Variants in SLC2A13 observed in about 807,000 individuals in gnomAD.
The protein encoded by SLC2A13 is solute carrier family 2 member 13, also known as proton myo-inositol cotransporter.
In SLC2A13, 32 loss-of-function variants were observed where a neutral mutation model predicts 64.4. The ratio of observed to expected loss-of-function variants is 0.50; its 90% CI spans 0.37 to 0.67. The LOEUF (loss-of-function observed/expected upper bound fraction) is 0.67, where lower values mean the gene tolerates loss of function less well. Ranked by LOEUF, SLC2A13 falls within the 30% of genes least tolerant of loss-of-function variation. The pLI, the probability that SLC2A13 is intolerant of heterozygous loss-of-function variation, is 0.00. For missense variants in SLC2A13, 743 were observed against 829.2 expected, an observed-to-expected ratio of 0.90 and a Z score of 1.28; for synonymous variants, 338 against 327.1, an observed-to-expected ratio of 1.03 and a Z score of -0.36.
chr12:39,849,176 G>T (rs1002401262), intron 6 of SLC2A13, among the ~76,000 whole-genome samples: 4 of 151,648 alleles, frequency 2.6e-5, no homozygotes, highest in Admixed American at 2.0e-4. Context: ...CTAAAATAAA[G>T]ATTTAAAAAA....
chr12:39,946,347 T>C (rs1946132887), intron 4 of SLC2A13, among the ~76,000 whole-genome samples: 1 of 152,204 alleles, frequency 6.6e-6, no homozygotes, highest in Non-Finnish European at 1.5e-5. Context: ...CTTCCTGCCA[T>C]TAGGTGGAAC....
At chr12:40,042,717 A>G (rs1489459504) in intron 2 of SLC2A13, among the ~76,000 whole-genome samples, 1 of 152,220 alleles carries the variant, frequency 6.6e-6, no homozygotes, top group African/African-American at 2.4e-5. Context: ...AGATCTAAAA[A>G]TGAGTAAAAG....
chr12:39,976,749 C>A (rs904232093), intron 3 of SLC2A13, among the ~76,000 whole-genome samples: 7 of 152,020 alleles, frequency 4.6e-5, no homozygotes, highest in African/African-American at 1.7e-4. Context: ...TGTGGAGAAC[C>A]AAACTGACTT....
chr12:40,014,546 C>T (rs960774509), intron 3 of SLC2A13, among the ~76,000 whole-genome samples: 3 of 152,098 alleles, frequency 2.0e-5, no homozygotes, highest in African/African-American at 7.2e-5. Flanking sequence ...GGCTGGAGTG[C>T]CATGGCATGA....
At chr12:39,825,490 A>G (rs1396195128) in intron 7 of SLC2A13, among the ~76,000 whole-genome samples, 1 of 152,150 alleles carries the variant, frequency 6.6e-6, no homozygotes, top group African/African-American at 2.4e-5. Context: ...TCTAAGCGAC[A>G]CTATTCTCAT....
chr12:39,913,291 G>A (rs936643528), intron 4 of SLC2A13, among the ~76,000 whole-genome samples: 1 of 152,006 alleles, frequency 6.6e-6, no homozygotes, highest in African/African-American at 2.4e-5. Flanking sequence ...TCTTAAGTTA[G>A]AGATAAGAGA....
chr12:40,008,519 G>A (rs957040607), intron 3 of SLC2A13, among the ~76,000 whole-genome samples: 2 of 152,002 alleles, frequency 1.3e-5, no homozygotes, highest in Non-Finnish European at 1.5e-5. Flanking sequence ...GCTGAGGTGG[G>A]AGAATGGCTT....
intron 7 of SLC2A13, among the ~76,000 whole-genome samples, chr12:39,776,600 G>A (rs1264101367): frequency 6.6e-6 from 1 of 152,250 alleles, no homozygotes; most frequent in Non-Finnish European, 1.5e-5. Flanking sequence ...TAGAAGCCAT[G>A]AGGTAAAGAA....
intron 1 of SLC2A13, among the ~76,000 whole-genome samples, chr12:40,100,832 G>A (rs1316730853): frequency 1.3e-5 from 2 of 151,874 alleles, no homozygotes; most frequent in African/African-American, 4.8e-5. Context: ...GGTGTGGTGG[G>A]CAGGCGCCTG....
At chr12:40,064,219 T>C (rs918502678) in intron 1 of SLC2A13, among the ~76,000 whole-genome samples, 15 of 152,110 alleles carry the variant, frequency 9.9e-5, no homozygotes, top group Non-Finnish European at 2.1e-4. Flanking sequence ...TACTCCAGCC[T>C]GGGTGACAAA....
At chr12:39,778,615 T>C (rs1369019721) in intron 7 of SLC2A13, among the ~76,000 whole-genome samples, 1 of 152,246 alleles carries the variant, frequency 6.6e-6, no homozygotes, top group Non-Finnish European at 1.5e-5. Flanking sequence ...ATTATTAACG[T>C]ATTATTACAT....
intron 7 of SLC2A13, 167 bp downstream of exon 7, chr12:39,829,936 C>A (rs1330182737): frequency 2.3e-6 from 2 of 865,352 alleles, no homozygotes; most frequent in South Asian, 1.6e-5. Flanking sequence ...GTGAAACACA[C>A]AATTGCAATG....
intron 4 of SLC2A13, among the ~76,000 whole-genome samples, chr12:39,880,944 T>C (rs1208677418): frequency 2.0e-5 from 3 of 152,240 alleles, no homozygotes; most frequent in East Asian, 1.9e-4. Context: ...CCACTGGACA[T>C]TGAACATATG....
At chr12:39,941,419 T>C (rs571835051) in intron 4 of SLC2A13, among the ~76,000 whole-genome samples, 1 of 152,288 alleles carries the variant, frequency 6.6e-6, no homozygotes, top group East Asian at 1.9e-4. Context: ...GTTGACCACA[T>C]CCATGCCAAC....
chr12:39,883,702 A>G (rs1282317899), intron 4 of SLC2A13, among the ~76,000 whole-genome samples: 1 of 152,212 alleles, frequency 6.6e-6, no homozygotes, highest in Admixed American at 6.5e-5. Flanking sequence ...AAAACTTTGC[A>G]AGAACTTTCA....
At chr12:39,824,258 G>A (rs751511103) in intron 7 of SLC2A13, among the ~76,000 whole-genome samples, 2 of 152,172 alleles carry the variant, frequency 1.3e-5, no homozygotes, top group Non-Finnish European at 2.9e-5. Flanking sequence ...TTCCCCAGTG[G>A]CAATTTTTCT....
At chr12:39,953,469 C>T (rs1249336926) in intron 3 of SLC2A13, among the ~76,000 whole-genome samples, 1 of 151,926 alleles carries the variant, frequency 6.6e-6, no homozygotes, top group East Asian at 1.9e-4. Flanking sequence ...ACTTCCTTTA[C>T]AAATGAAAAC....
chr12:39,880,183 G>T, intron 4 of SLC2A13, among the ~76,000 whole-genome samples: 1 of 152,174 alleles, frequency 6.6e-6, no homozygotes, highest in Non-Finnish European at 1.5e-5. Context: ...TGTAAAGTTT[G>T]TAGAACCATA....
At chr12:40,020,146 AT>A (rs200940999) in intron 3 of SLC2A13, among the ~76,000 whole-genome samples, 1 of 152,140 alleles carries the variant, frequency 6.6e-6, no homozygotes, top group East Asian at 1.9e-4. Flanking sequence ...GGTTTCTTTG[AT>A]TTTTTAAGAA....
Sources: gnomAD v4.1 joint callset for allele counts (sites outside exome capture counted in the v4.1 genomes callset) on GRCh38, gnomAD v4.1.1 for gene constraint, MANE v1.5 for transcripts, NCBI Gene and HGNC (gene_info 2026-07-23, HGNC 2026-07-21) for gene names.